Variants in RALGAPA2 observed in about 807,000 individuals in gnomAD.
RALGAPA2 encodes Ral GTPase activating protein catalytic subunit alpha 2.
Under a neutral mutation model 230.4 loss-of-function variants are expected in RALGAPA2, and 139 were observed. The ratio of observed to expected loss-of-function variants is 0.60; its 90% confidence interval spans 0.53 to 0.69. The LOEUF is 0.69. Ranked by LOEUF, RALGAPA2 falls within the 30% of genes least tolerant of loss-of-function variation. The pLI, the probability that RALGAPA2 is intolerant of heterozygous loss-of-function variation, is 0.00. For missense variants in RALGAPA2, 2,163 were observed against 2,276.0 expected, an observed-to-expected ratio of 0.95 and a Z score of 1.01; for synonymous variants, 847 against 837.8, an observed-to-expected ratio of 1.01 and a Z score of -0.19.
chr20:20,524,782 A>G (rs1397089666), intron 29 of RALGAPA2, 48 bp downstream of exon 29: 2 of 1,445,760 alleles, frequency 1.4e-6, no homozygotes, highest in East Asian at 2.4e-5. Flanking sequence ...TTTACCTTAC[A>G]TTAAAATAAA....
intron 33 of RALGAPA2, among the ~76,000 whole-genome samples, chr20:20,510,903 T>C (rs150569379): frequency 1.3e-5 from 2 of 152,292 alleles, no homozygotes; most frequent in Non-Finnish European, 2.9e-5. Context: ...TTAGATAATA[T>C]GGTATGAGCA....
rs766264216 is a variant in RALGAPA2 at position 20,639,868 on chromosome 20, G to A, written c.583C>T (p.Leu195=). 1 of 1,613,432 alleles carries A rather than the reference G, an allele frequency of 6.2e-7. No homozygotes were observed. The highest frequency in any genetic ancestry group is 1.1e-5 in the South Asian group (1 of 91,074). The part of the protein sequence containing the change: ...KIYPEEITPL[L]PAISGEKIAE... ...ATCTTCTCCCCTGATATGGCTGGTA[G>A]GAGTGGAGTGATTTCTTCTGGATAT... Residue 195 remains leucine (L), a synonymous_variant, in exon 7 of 40, where the codon CTA becomes TTA. Transcript: ENST00000202677.
intron 28 of RALGAPA2, among the ~76,000 whole-genome samples, chr20:20,525,856 G>C (rs1331308875): frequency 6.6e-6 from 1 of 152,164 alleles, no homozygotes; most frequent in African/African-American, 2.4e-5. Context: ...TGTGGTCCAG[G>C]GCTTTAGTCT....
At chr20:20,553,424 C>T (rs1460997428) in intron 23 of RALGAPA2, among the ~76,000 whole-genome samples, 1 of 152,078 alleles carries the variant, frequency 6.6e-6, no homozygotes, top group Non-Finnish European at 1.5e-5. Flanking sequence ...TGGTGGTACA[C>T]TCCTGTGGTC....
At chr20:20,568,307 G>A (rs756450749) in intron 23 of RALGAPA2, among the ~76,000 whole-genome samples, 11 of 152,102 alleles carry the variant, frequency 7.2e-5, no homozygotes, top group African/African-American at 1.9e-4. Context: ...CATATGTACC[G>A]GGGGAAATAC....
chr20:20,630,097 C>T (rs896825697), intron 9 of RALGAPA2, among the ~76,000 whole-genome samples: 5 of 152,168 alleles, frequency 3.3e-5, no homozygotes, highest in Non-Finnish European at 7.4e-5. Flanking sequence ...CAGAAGAATG[C>T]TGATCTGAGC....
At chr20:20,586,435 C>T (rs2065136622) in intron 18 of RALGAPA2, among the ~76,000 whole-genome samples, 1 of 152,110 alleles carries the variant, frequency 6.6e-6, no homozygotes, top group African/African-American at 2.4e-5. Flanking sequence ...TTAAGATCAG[C>T]CAGCTAGGAA....
intron 33 of RALGAPA2, among the ~76,000 whole-genome samples, chr20:20,506,937 A>C (rs1183260436): frequency 1.3e-5 from 2 of 152,260 alleles, no homozygotes; most frequent in African/African-American, 4.8e-5. Context: ...ACTTGGAAGA[A>C]GAATTAGAAA....
At chr20:20,699,805 G>A (rs1369834340) in intron 1 of RALGAPA2, among the ~76,000 whole-genome samples, 1 of 152,098 alleles carries the variant, frequency 6.6e-6, no homozygotes, top group Non-Finnish European at 1.5e-5. Flanking sequence ...TAAAAAAAAT[G>A]ACAGATGCTG....
In RALGAPA2 at chr20:20,390,412, T is replaced by G. The variant is rs1006532490; in HGVS notation, c.*2877A>C. 1.3e-5 allele frequency: 2 copies of G among 152,228 alleles called. No homozygotes were observed. Among genetic ancestry groups the G allele is most frequent in the Non-Finnish European group, 2.9e-5 (2 of 68,048 alleles). 9.4% of individuals were successfully genotyped at this position (152,228 alleles called of 1,614,324 possible). The stretch of plus-strand genomic sequence containing the variant: ...CATAATTTTTTAAAGTACGAAAGCC[T>G]AAGTACAATGAGACGATAAACATCA... On this transcript the variant is annotated 3_prime_UTR_variant, in exon 40 of 40. Coordinates refer to ENST00000202677, the MANE Select transcript of RALGAPA2 (RefSeq NM_020343.4).
chr20:20,543,305 A>G (rs1235055842), intron 24 of RALGAPA2, among the ~76,000 whole-genome samples: 1 of 152,102 alleles, frequency 6.6e-6, no homozygotes, highest in African/African-American at 2.4e-5. Flanking sequence ...CCGGCCTCCT[A>G]AAGTGTCGGG....
chr20:20,657,096 T>C (rs757424081), intron 3 of RALGAPA2, among the ~76,000 whole-genome samples: 3 of 152,198 alleles, frequency 2.0e-5, no homozygotes, highest in Non-Finnish European at 2.9e-5. Flanking sequence ...GTGAGTTTTC[T>C]GGAAAACATG....
intron 1 of RALGAPA2, among the ~76,000 whole-genome samples, chr20:20,699,573 T>C (rs190014798): frequency 6.6e-6 from 1 of 152,296 alleles, no homozygotes; most frequent in East Asian, 1.9e-4. Flanking sequence ...CTCTCTTCCA[T>C]GCAGTTCTGA....
chr20:20,691,841 A>G (rs899236734), intron 1 of RALGAPA2, among the ~76,000 whole-genome samples: 18 of 152,188 alleles, frequency 1.2e-4, no homozygotes, highest in African/African-American at 3.9e-4. Context: ...TCTCTTGTTG[A>G]AATCTGATCC....
intron 1 of RALGAPA2, among the ~76,000 whole-genome samples, chr20:20,708,585 G>A (rs943596046): frequency 2.0e-5 from 3 of 152,142 alleles, no homozygotes; most frequent in African/African-American, 7.2e-5. Context: ...GAGGCCTCCC[G>A]AGGCATGTGG....
intron 38 of RALGAPA2, among the ~76,000 whole-genome samples, chr20:20,401,751 T>C (rs2059845223): frequency 6.6e-6 from 1 of 152,230 alleles, no homozygotes; most frequent in Non-Finnish European, 1.5e-5. Flanking sequence ...AAATGTCTGG[T>C]AGTTTTACCG....
chr20:20,667,993 G>A (rs2068015147), intron 3 of RALGAPA2, among the ~76,000 whole-genome samples: 1 of 152,154 alleles, frequency 6.6e-6, no homozygotes, highest in South Asian at 2.1e-4. Flanking sequence ...GAAGCCCAGA[G>A]AAACCATTTC....
intron 1 of RALGAPA2, among the ~76,000 whole-genome samples, chr20:20,683,712 G>C (rs187275453): frequency 7.2e-5 from 11 of 152,328 alleles, no homozygotes; most frequent in Non-Finnish European, 1.3e-4. Context: ...CTGACTCAAA[G>C]ACTCGGCGCA....
chr20:20,636,788 C>A (rs1347946183), intron 8 of RALGAPA2, among the ~76,000 whole-genome samples: 5 of 152,168 alleles, frequency 3.3e-5, no homozygotes, highest in African/African-American at 1.2e-4. Context: ...TCCTGTGAGT[C>A]CTCATTGCTT....
Sources: allele counts gnomAD v4.1 joint callset (sites outside exome capture counted in the v4.1 genomes callset), GRCh38; gene constraint gnomAD v4.1.1; transcripts MANE v1.5; gene names NCBI Gene and HGNC (gene_info 2026-07-23, HGNC 2026-07-21).